ANKRD12: variants seen among roughly 807,000 people sequenced by gnomAD.
ANKRD12 encodes the protein ankyrin repeat domain 12.
A neutral mutation model predicts 183.4 loss-of-function variants in ANKRD12; 85 were observed. The observed-to-expected ratio is 0.46, with a 90% CI of 0.39 to 0.56. The LOEUF (loss-of-function observed/expected upper bound fraction) is 0.56. Ranked by LOEUF, ANKRD12 falls within the 20% of genes least tolerant of loss-of-function variation. The probability of loss-of-function intolerance (pLI) is 0.00; values close to 1 mark genes in which losing one functional copy is unlikely to be tolerated. For synonymous variants in ANKRD12, 914 were observed against 800.2 expected, an observed-to-expected ratio of 1.14 and a Z score of -2.40; for missense variants, 2,405 against 2,357.1, an observed-to-expected ratio of 1.02 and a Z score of -0.42.
intron 1 of ANKRD12, among the ~76,000 whole-genome samples, chr18:9,139,845 T>C (rs2078256857): frequency 6.6e-6 from 1 of 152,196 alleles, no homozygotes; most frequent in African/African-American, 2.4e-5. Context: ...TTTTTACACA[T>C]GAGAAAATAA....
At chr18:9,279,798 A>G (rs545903255) in intron 12 of ANKRD12, among the ~76,000 whole-genome samples, 154 bp downstream of exon 12, 10 of 152,292 alleles carry the variant, frequency 6.6e-5, no homozygotes, top group Admixed American at 3.9e-4. Flanking sequence ...GATAAAGACC[A>G]CAAGTCCATT....
Position 9,258,522 on chromosome 18 carries a change from C to A in ANKRD12, c.5255C>A (p.Ala1752Asp). ...TMANQSKQIL[A>D]SCTLLSEKDS... ...GCAAATCAAAGCAAACAGATTCTTG[C>A]TAGCTGTACACTATTATCAGAAAAA... The change falls in exon 9 of 13, where the codon GCT (alanine) becomes GAT (aspartate). Residue 1752 changes from alanine to aspartate, a missense_variant. This residue lies in a region of ANKRD12 where 1,983 missense variants were observed against 1,725.9 expected (regional missense o/e 1.15). Coordinates refer to ENST00000262126, the MANE Select transcript of ANKRD12 (RefSeq NM_015208.5). 6.2e-7 allele frequency: 1 copy of A among 1,613,702 alleles called. No homozygotes were observed. Among genetic ancestry groups the A allele is most frequent in the Non-Finnish European group, 8.5e-7 (1 of 1,179,902 alleles).
chr18:9,147,227 C>A (rs1340004706), intron 1 of ANKRD12, among the ~76,000 whole-genome samples: 1 of 151,936 alleles, frequency 6.6e-6, no homozygotes, highest in Non-Finnish European at 1.5e-5. Flanking sequence ...AAAACTATAT[C>A]GATTATTTAA....
chr18:9,273,419 C>T (rs957314888), intron 10 of ANKRD12, among the ~76,000 whole-genome samples: 5 of 152,152 alleles, frequency 3.3e-5, no homozygotes, highest in African/African-American at 1.2e-4. Flanking sequence ...CATTATAAAA[C>T]TGCCAACACA....
Position 9,195,632 on chromosome 18 carries a change from T to C in ANKRD12, c.169T>C (p.Ser57Pro). 1 of 1,613,230 alleles carries C rather than the reference T, an allele frequency of 6.2e-7. No individual in the cohort carries two copies. The highest frequency in any genetic ancestry group is 1.1e-5 in the South Asian group (1 of 91,048). ...GAGCAAGGAGATGAAAGAGAAATCATCCATGAAACGTAAACTTCCTTTTAC... is the reference window on the plus strand; with the variant it reads ...GAGCAAGGAGATGAAAGAGAAATCACCCATGAAACGTAAACTTCCTTTTAC... ...DVSKEMKEKS[S>P]MKRKLPFTIS... Residue 57 changes from serine (S) to proline (P), a missense_variant, in exon 3 of 13, where the codon TCC becomes CCC. By Grantham distance (74) the Ser-to-Pro change is moderately conservative. Transcript: ENST00000262126.
intron 10 of ANKRD12, among the ~76,000 whole-genome samples, chr18:9,268,458 T>C (rs1488897729): frequency 6.6e-6 from 1 of 152,216 alleles, no homozygotes; most frequent in African/African-American, 2.4e-5. Context: ...GATGCAAGGC[T>C]GGTTCAGCAT....
chr18:9,254,181 C>A, intron 8 of ANKRD12, 30 bp from the exon 9 acceptor site: 1 of 1,454,764 alleles, frequency 6.9e-7, no homozygotes, highest in Non-Finnish European at 9.0e-7. Context: ...TTTGTTTGAC[C>A]CACACCACAT....
chr18:9,273,816 A>G (rs1357376707), intron 10 of ANKRD12, among the ~76,000 whole-genome samples: 2 of 152,220 alleles, frequency 1.3e-5, no homozygotes, highest in Non-Finnish European at 2.9e-5. Context: ...TTGAGATTAC[A>G]GGCAAAAGCC....
intron 1 of ANKRD12, among the ~76,000 whole-genome samples, chr18:9,163,530 A>G (rs1157411612): frequency 1.3e-5 from 2 of 152,148 alleles, no homozygotes; most frequent in African/African-American, 4.8e-5. Flanking sequence ...TTTTGGTACC[A>G]TATGAATTTT....
At chr18:9,159,245 C>G (rs1014738433) in intron 1 of ANKRD12, among the ~76,000 whole-genome samples, 1 of 152,038 alleles carries the variant, frequency 6.6e-6, no homozygotes, top group African/African-American at 2.4e-5. Flanking sequence ...ATTACTAATT[C>G]TATATACATA....
chr18:9,230,438 T>A (rs1247013977), intron 8 of ANKRD12, among the ~76,000 whole-genome samples: 1 of 152,174 alleles, frequency 6.6e-6, no homozygotes, highest in Non-Finnish European at 1.5e-5. Flanking sequence ...TTTGCATTTT[T>A]TTAAGTCTCT....
intron 8 of ANKRD12, among the ~76,000 whole-genome samples, chr18:9,245,176 G>T (rs2037885783): frequency 6.6e-6 from 1 of 151,948 alleles, no homozygotes; most frequent in Non-Finnish European, 1.5e-5. Flanking sequence ...CTGGCCAGAT[G>T]TGGTGGCTCA....
At chr18:9,191,714 G>C (rs767809377) in intron 2 of ANKRD12, among the ~76,000 whole-genome samples, 1 of 152,004 alleles carries the variant, frequency 6.6e-6, no homozygotes, top group Non-Finnish European at 1.5e-5. Flanking sequence ...ATCTTCCAGG[G>C]CTAGCCAGTT....
rs1319433161 is a variant in ANKRD12, at chr18:9,275,800, C to G, written c.5907+133C>G. On this transcript the variant is annotated intron_variant, in intron 11 of 12. Coordinates refer to ENST00000262126, the MANE Select transcript of ANKRD12 (RefSeq NM_015208.5). ...GGTCAAAGAAGAAAAAAAACTCTTT[C>G]AAGCCAGAGTACTTCCAGATCAACT... The G allele has an allele frequency of 9.6e-6, 8 of 834,010 alleles. No individual in the cohort carries two copies. The East Asian group carries it at 1.4e-4, about 15-fold the overall frequency. 51.7% of individuals were successfully genotyped at this position (834,010 alleles called of 1,614,324 possible).
intron 6 of ANKRD12, among the ~76,000 whole-genome samples, chr18:9,215,797 T>A (rs1374115372): frequency 6.6e-6 from 1 of 152,122 alleles, no homozygotes; most frequent in Non-Finnish European, 1.5e-5. Context: ...TGAAAGAGAT[T>A]GTGGATATGT....
At chr18:9,254,145 A>G (rs1294226374) in intron 8 of ANKRD12, 66 bp from the exon 9 acceptor site, 1 of 1,440,230 alleles carries the variant, frequency 6.9e-7, no homozygotes, top group Admixed American at 2.6e-5. Context: ...TCTCAGAAAA[A>G]AAAATTATTT....
chr18:9,195,121 G>C (rs796196438), intron 2 of ANKRD12, among the ~76,000 whole-genome samples: 14 of 152,252 alleles, frequency 9.2e-5, no homozygotes, highest in African/African-American at 3.4e-4. Context: ...CTCATAAGTG[G>C]GAGCTAAACA....
At chr18:9,253,061 A>C (rs2038394941) in intron 8 of ANKRD12, among the ~76,000 whole-genome samples, 1 of 152,110 alleles carries the variant, frequency 6.6e-6, no homozygotes, top group Non-Finnish European at 1.5e-5. Context: ...TTTTTGGTTA[A>C]TTTTTTAAAT....
chr18:9,192,187 A>G (rs1300076197), intron 2 of ANKRD12, among the ~76,000 whole-genome samples: 3 of 152,204 alleles, frequency 2.0e-5, no homozygotes, highest in Non-Finnish European at 4.4e-5. Flanking sequence ...CCTTATAAGC[A>G]AAACACCTTG....
Sources: gnomAD v4.1 joint callset for allele counts (sites outside exome capture counted in the v4.1 genomes callset) on GRCh38, gnomAD v4.1.1 for gene constraint, gnomAD v4.1.1 regional missense constraint, MANE v1.5 for transcripts, NCBI Gene and HGNC (gene_info 2026-07-23, HGNC 2026-07-21) for gene names.